The following VHL variants were observed in gnomAD, a reference collection of about 807,000 sequenced individuals.
VHL encodes the protein von Hippel-Lindau disease tumor suppressor.
In VHL, 10 loss-of-function variants were observed where a neutral mutation model predicts 19.2. The ratio of observed to expected loss-of-function variants is 0.52; its 90% CI spans 0.32 to 0.89. The LOEUF (loss-of-function observed/expected upper bound fraction) is 0.89. VHL is among the 40% of genes least tolerant of loss of function. The pLI is 0.03. For missense variants in VHL, 328 were observed against 292.7 expected, an observed-to-expected ratio of 1.12 and a Z score of -0.88; for synonymous variants, 167 against 129.5, an observed-to-expected ratio of 1.29 and a Z score of -1.97.
intron 2 of VHL, among the ~76,000 whole-genome samples, chr3:10,148,505 G>A (rs1332418555): frequency 6.6e-5 from 10 of 150,786 alleles, no homozygotes; most frequent in African/African-American, 9.8e-5. Context: ...TAGTAGAGAC[G>A]GGGTTTCACC....
In VHL at chr3:10,149,858, G is replaced by A. The variant is rs767780451; in HGVS notation, c.535G>A (p.Asp179Asn). 11 of 1,614,206 alleles carry A rather than the reference G, an allele frequency of 6.8e-6. No individual in the cohort carries two copies. The highest frequency in any genetic ancestry group is 9.3e-6 in the Non-Finnish European group (11 of 1,180,046). ...LVKPENYRRLDIVRSLYEDLE... is the reference protein window; with the variant it reads ...LVKPENYRRLNIVRSLYEDLE... ...CAAGCCTGAGAATTACAGGAGACTG[G>A]ACATCGTCAGGTCGCTCTACGAAGA... The change falls in exon 3 of 3, where the codon GAC becomes AAC. Residue 179 changes from aspartate to asparagine, a missense_variant. By Grantham distance (23) the Asp-to-Asn change is conservative (BLOSUM62 1). Coordinates refer to ENST00000256474, the MANE Select transcript of VHL (RefSeq NM_000551.4).
chr3:10,150,201 A>T lies in VHL; in HGVS notation c.*236A>T. 7.3e-7 allele frequency: 1 copy of T among 1,378,014 alleles called. No homozygotes were observed. The highest frequency in any genetic ancestry group is 9.4e-7 in the Non-Finnish European group (1 of 1,063,272). 85.4% of individuals were successfully genotyped at this position (1,378,014 alleles called of 1,614,324 possible). On this transcript the variant is annotated 3_prime_UTR_variant, in exon 3 of 3. Coordinates refer to ENST00000256474, the MANE Select transcript of VHL (RefSeq NM_000551.4). ...CCATTAGAGAAGTATTTATCAGGAG[A>T]AGGTGGTGGCATTTTTGCTTCCTAG...
At chr3:10,143,046 G>T (rs1292180218) in intron 1 of VHL, 2 of 152,164 alleles carry the variant, frequency 1.3e-5, no homozygotes, top group Non-Finnish European at 2.9e-5. Flanking sequence ...ACATGCGTGC[G>T]TTGAGACCTG....
At position 10,149,948 on chromosome 3, in the gene VHL, C is replaced by G. The variant is rs1559429968; in HGVS notation, c.625C>G (p.Gln209Glu). The stretch of plus-strand genomic sequence containing the variant: ...GCTGACACAGGAGCGCATTGCACAT[C>G]AACGGATGGGAGATTGAAGATTTCT... ...ERLTQERIAH[Q>E]RMGD The change falls in exon 3 of 3, where the codon CAA becomes GAA. Residue 209 changes from glutamine (Q) to glutamate (E), a missense_variant. Physicochemically the swap from Gln to Glu is conservative, Grantham distance 29 (BLOSUM62 2). Coordinates refer to ENST00000256474, the MANE Select transcript of VHL (RefSeq NM_000551.4). 6.2e-7 allele frequency: 1 copy of G among 1,613,992 alleles called. No homozygotes were observed. Among genetic ancestry groups the G allele is most frequent in the Non-Finnish European group, 8.5e-7 (1 of 1,179,928 alleles).
chr3:10,141,959 TCCGGCC>T lies in VHL; in HGVS notation c.114_119del (p.Gly39_Pro40del). 1 of 1,544,592 alleles carries T rather than the reference TCCGGCC, an allele frequency of 6.5e-7. No homozygotes were observed. The highest frequency in any genetic ancestry group is 8.7e-7 in the Non-Finnish European group (1 of 1,144,626). On this transcript the variant is annotated inframe_deletion, in exon 1 of 3. Transcript: ENST00000256474. ...CGGGGAGGAGTCGGGCGCCGAGGAG[TCCGGCC>T]CGGAAGAGTCCGGCCCGGAGGAACT...
rs1064793290 is a variant in VHL at position 10,141,936 on chromosome 3, G to C, written c.89G>C (p.Gly30Ala). ...VEEYGPEEDG[G>A]EESGAEESGP... ...GAGTACGGCCCTGAAGAAGACGGCGGGGAGGAGTCGGGCGCCGAGGAGTCC... is the reference window on the plus strand; with the variant it reads ...GAGTACGGCCCTGAAGAAGACGGCGCGGAGGAGTCGGGCGCCGAGGAGTCC... The change falls in exon 1 of 3, where the codon GGG becomes GCG. Residue 30 changes from glycine (G) to alanine (A), a missense_variant. Gly to Ala is a moderately conservative substitution (Grantham distance 60). Coordinates refer to ENST00000256474, the MANE Select transcript of VHL (RefSeq NM_000551.4). 3 of 1,540,418 alleles carry C rather than the reference G, an allele frequency of 1.9e-6. No homozygotes were observed. The highest frequency in any genetic ancestry group is 2.6e-6 in the Non-Finnish European group (3 of 1,141,692).
At position 10,141,838 on chromosome 3, in the gene VHL, C is replaced by G. The variant is rs1192379474; in HGVS notation, c.-10C>G. On this transcript the variant is annotated 5_prime_UTR_variant, in exon 1 of 3. The change creates a new upstream start codon in the 5' untranslated region. Transcript: ENST00000256474. ...GGCGTCCGGCCCGGGTGGTCTGGAT[C>G]GCGGAGGGAATGCCCCGGAGGGCGG... The G allele has an allele frequency of 1.3e-6, 2 of 1,536,232 alleles. No individual in the cohort carries two copies. The highest frequency in any genetic ancestry group is 4.9e-5 in the East Asian group (2 of 40,562).
In VHL at chr3:10,150,399, G is replaced by C. The variant is rs1290270383; in HGVS notation, c.*434G>C. Reference sequence around the variant, plus strand: ...GTCTGCCTCCTGCTTTGGGAAGACTGAGGCATCCGTGAGGCAGGGACAAGT... The same window carrying C: ...GTCTGCCTCCTGCTTTGGGAAGACTCAGGCATCCGTGAGGCAGGGACAAGT... On this transcript the variant is annotated 3_prime_UTR_variant, in exon 3 of 3. Transcript: ENST00000256474. The C allele has an allele frequency of 2.0e-5, 24 of 1,195,628 alleles. No individual in the cohort carries two copies. Among genetic ancestry groups the C allele is most frequent in the Non-Finnish European group, 2.3e-5 (22 of 951,736 alleles). The allele number at this position is 1,195,628 out of a possible 1,614,324, so 74.1% of individuals were successfully genotyped here.
At chr3:10,144,116 G>A (rs1322682247) in intron 1 of VHL, among the ~76,000 whole-genome samples, 2 of 152,036 alleles carry the variant, frequency 1.3e-5, no homozygotes, top group African/African-American at 4.8e-5. Context: ...TTTTATATAG[G>A]AAATTGTATG....
rs561953435 is a variant in VHL at position 10,146,442 on chromosome 3, G to C, written c.341-72G>C. Reference sequence around the variant, plus strand: ...GCCTGCCTCGGCCTCCCAAAGTGCTGGGATTACAGGTGTGGGCCACCGTGC... The same window carrying C: ...GCCTGCCTCGGCCTCCCAAAGTGCTCGGATTACAGGTGTGGGCCACCGTGC... On this transcript the variant is annotated intron_variant, in intron 1 of 2. Coordinates refer to ENST00000256474, the MANE Select transcript of VHL (RefSeq NM_000551.4). 14 of 1,602,184 alleles carry C rather than the reference G, an allele frequency of 8.7e-6. No individual in the cohort carries two copies. The South Asian group carries it at 8.8e-5, about 10-fold the overall frequency.
intron 2 of VHL, among the ~76,000 whole-genome samples, chr3:10,148,638 T>C (rs1208283979): frequency 6.6e-6 from 1 of 151,106 alleles, no homozygotes; most frequent in African/African-American, 2.4e-5. Flanking sequence ...ACACATTGTT[T>C]TGGTTATGTG....
At chr3:10,147,373 T>TA (rs34876351) in intron 2 of VHL, among the ~76,000 whole-genome samples, 94,673 of 146,874 alleles carry the variant, frequency 0.64, 32,376 homozygotes, top group African/African-American at 0.85. Context: ...TTTTTTTTTT[T>TA]ATTTTTATTT....
rs761938397 is a variant in VHL at position 10,141,837 on chromosome 3, T to C, written c.-11T>C. ...CGGCGTCCGGCCCGGGTGGTCTGGA[T>C]CGCGGAGGGAATGCCCCGGAGGGCG... is the stretch of plus-strand genomic sequence containing the variant. On this transcript the variant is annotated 5_prime_UTR_variant, in exon 1 of 3. Coordinates refer to ENST00000256474, the MANE Select transcript of VHL (RefSeq NM_000551.4). The C allele has an allele frequency of 2.3e-5, 36 of 1,536,612 alleles. No individual in the cohort carries two copies. The South Asian group carries it at 4.0e-4, about 17-fold the overall frequency.
At chr3:10,147,115 G>A (rs912096560) in intron 2 of VHL, among the ~76,000 whole-genome samples, 4 of 151,954 alleles carry the variant, frequency 2.6e-5, no homozygotes, top group African/African-American at 9.7e-5. Flanking sequence ...GGGTTCCAGT[G>A]ATTCTCTTGT....
intron 2 of VHL, among the ~76,000 whole-genome samples, chr3:10,148,292 C>T (rs1488135475): frequency 6.6e-6 from 1 of 151,360 alleles, no homozygotes; most frequent in East Asian, 1.9e-4. Context: ...ATTGGGATAC[C>T]CAATTCAGTT....
chr3:10,142,288 C>G (rs1177027495), intron 1 of VHL, 101 bp downstream of exon 1: 1 of 1,362,084 alleles, frequency 7.3e-7, no homozygotes, highest in African/African-American at 1.4e-5. Context: ...GAACTGAGGC[C>G]CCTTGAGGCA....
rs144377135 is a variant in VHL, at chr3:10,145,967, G to A, written c.341-547G>A. The stretch of plus-strand genomic sequence containing the variant: ...ATGGGATTGAGAGCTTTAAGTACGC[G>A]CTCTTTGCTTACTGTCTTATACCTT... On this transcript the variant is annotated intron_variant, in intron 1 of 2. Transcript: ENST00000256474. Among the ~76,000 whole-genome samples, 898 of 149,698 alleles carry A rather than the reference G, an allele frequency of 6.0e-3. 12 individuals are homozygous for A. Among genetic ancestry groups the A allele is most frequent in the African/African-American group, 0.02 (836 of 40,822 alleles).
rs760899424 is a variant in VHL at position 10,142,084 on chromosome 3, C to T, written c.237C>T (p.Arg79=). 5.0e-6 allele frequency: 8 copies of T among 1,605,846 alleles called. No individual in the cohort carries two copies. The South Asian group carries it at 8.8e-5, about 18-fold the overall frequency. Residue 79 remains arginine (R), a synonymous_variant, in exon 1 of 3, where the codon CGC becomes CGT. Coordinates refer to ENST00000256474, the MANE Select transcript of VHL (RefSeq NM_000551.4). ...CCTCCCAGGTCATCTTCTGCAATCG[C>T]AGTCCGCGCGTCGTGCTGCCCGTAT... ...REPSQVIFCN[R]SPRVVLPVWL...
At chr3:10,143,714 TG>T (rs1415298627) in intron 1 of VHL, among the ~76,000 whole-genome samples, 2 of 152,134 alleles carry the variant, frequency 1.3e-5, no homozygotes, top group African/African-American at 4.8e-5. Flanking sequence ...CCCAAAGTGC[TG>T]GGATTACAGG....
Sources: allele counts gnomAD v4.1 joint callset (sites outside exome capture counted in the v4.1 genomes callset), GRCh38; gene constraint gnomAD v4.1.1; transcripts MANE v1.5; gene names NCBI Gene and HGNC (gene_info 2026-07-23, HGNC 2026-07-21).